The following TAFAZZIN variants were observed in gnomAD, a reference collection of about 807,000 sequenced individuals.
TAFAZZIN encodes tafazzin, phospholipid-lysophospholipid transacylase.
Under a neutral mutation model 27.3 loss-of-function variants are expected in TAFAZZIN, and 6 were observed. The ratio of observed to expected loss-of-function variants is 0.22; its 90% CI spans 0.12 to 0.43. TAFAZZIN has a LOEUF of 0.43. Ranked by LOEUF, TAFAZZIN falls within the 20% of genes least tolerant of loss-of-function variation. The probability of loss-of-function intolerance (pLI) is 1.00; values close to 1 mark genes in which losing one functional copy is unlikely to be tolerated. For synonymous variants in TAFAZZIN, 79 were observed against 96.2 expected (o/e 0.82, Z 1.04); for missense variants, 127 against 244.5 (o/e 0.52, Z 3.21).
rs1310401484 is a variant in TAFAZZIN, at chrX:154,411,762, C to G, written c.-82C>G. 7 of 929,287 alleles carry G rather than the reference C, an allele frequency of 7.5e-6. No individual in the cohort carries two copies. The African/African-American group carries it at 9.8e-5, about 13-fold the overall frequency. The allele number at this position is 929,287 out of a possible 1,213,427, so 76.6% of individuals were successfully genotyped here. A position where few individuals can be genotyped will look rare whatever the true frequency, so the allele number is the denominator to read the frequency against. ...GCGGGCCAGTCAGGGGCCAGTGTCT[C>G]GAGCGGTCGAGGTCGCAGACCTAGA... On this transcript the variant is annotated 5_prime_UTR_variant, in exon 1 of 11. Transcript: ENST00000601016.
At chrX:154,419,408 G>A in intron 5 of TAFAZZIN, 135 bp from the exon 6 acceptor site, 1 of 654,638 alleles carries the variant, frequency 1.5e-6, no homozygotes, top group Non-Finnish European at 2.4e-6. Flanking sequence ...GGACTGAGGG[G>A]GATAGTCCCC....
chrX:154,412,174 G>A lies in TAFAZZIN; in HGVS notation c.198G>A (p.Val66=), dbSNP rs782470471. The change falls in exon 2 of 11, where the codon GTG becomes GTA. Residue 66 remains valine, a synonymous_variant. Transcript: ENST00000601016. ...KRGPATPLIT[V]SNHQSCMDDP... ...GCCCGGCCACGCCCCTCATCACCGT[G>A]TCCAATCACCAGTCCTGCATGGACG... is the stretch of plus-strand genomic sequence containing the variant. 5 of 1,201,741 alleles carry A rather than the reference G, an allele frequency of 4.2e-6. No individual in the cohort carries two copies. The highest frequency in any genetic ancestry group is 3.0e-5 in the East Asian group (1 of 33,526).
At chrX:154,420,381 G>T in intron 9 of TAFAZZIN, 117 bp downstream of exon 9, 1 of 926,536 alleles carries the variant, frequency 1.1e-6, no homozygotes, top group Non-Finnish European at 1.6e-6. Flanking sequence ...TACAGCAGGG[G>T]ACAGAGTGGA....
intron 5 of TAFAZZIN, 195 bp from the exon 6 acceptor site, chrX:154,419,348 C>T: frequency 2.1e-6 from 1 of 467,566 alleles, no homozygotes; most frequent in South Asian, 3.1e-5. Context: ...GTGGATGGCG[C>T]AGTGGGGGAT....
intron 5 of TAFAZZIN, among the ~76,000 whole-genome samples, chrX:154,417,134 C>CAAA (rs1251172273): frequency 1.8e-5 from 1 of 56,794 alleles, no homozygotes; most frequent in Non-Finnish European, 3.4e-5. Context: ...GACTCCGTCT[C>CAAA]AAAAAAAAAA....
chrX:154,411,881 C>G lies in TAFAZZIN; in HGVS notation c.38C>G (p.Pro13Arg), dbSNP rs1557190859. The change falls in exon 1 of 11, where the codon CCG becomes CGG. Residue 13 changes from proline to arginine, a missense_variant. Physicochemically the swap from Pro to Arg is moderately radical, Grantham distance 103. Around this residue, in one of 3 missense-constraint regions of TAFAZZIN, gnomAD observed 17 missense variants for 16.2 expected, o/e 1.05. Transcript: ENST00000601016. Reference sequence around the variant, plus strand: ...GTGAAGTGGCCGTTCCCCGCGGTGCCGCCGCTCACCTGGACCCTGGCCAGC... The same window carrying G: ...GTGAAGTGGCCGTTCCCCGCGGTGCGGCCGCTCACCTGGACCCTGGCCAGC... ...LHVKWPFPAVPPLTWTLASSV... is the reference protein window; with the variant it reads ...LHVKWPFPAVRPLTWTLASSV... The G allele has an allele frequency of 8.3e-7, 1 of 1,205,420 alleles. No homozygotes were observed. The highest frequency in any genetic ancestry group is 2.2e-5 in the Admixed American group (1 of 45,842).
rs1557194884 is a variant in TAFAZZIN at position 154,421,484 on chromosome X, C to T, written c.*480C>T. ...CCTGAGCTTCCCCCCCACCACAGGCCCTTTCCTCAGGCAAGGTCTGGCCTC... is the reference window on the plus strand; with the variant it reads ...CCTGAGCTTCCCCCCCACCACAGGCTCTTTCCTCAGGCAAGGTCTGGCCTC... On this transcript the variant is annotated 3_prime_UTR_variant, in exon 11 of 11. Coordinates refer to ENST00000601016, the MANE Select transcript of TAFAZZIN (RefSeq NM_000116.5). The T allele has an allele frequency of 1.8e-5, 6 of 331,681 alleles. No homozygotes were observed. Among genetic ancestry groups the T allele is most frequent in the South Asian group, 1.6e-4 (6 of 38,566 alleles). The allele number at this position is 331,681 out of a possible 1,213,427, so 27.3% of individuals were successfully genotyped here.
Position 154,420,690 on chromosome X carries a change from T to C in TAFAZZIN, c.732T>C (p.Ser244=). The C allele has an allele frequency of 1.7e-6, 2 of 1,211,458 alleles. No individual in the cohort carries two copies. The highest frequency in any genetic ancestry group is 2.2e-6 in the Non-Finnish European group (2 of 895,410). Reference sequence around the variant, plus strand: ...CTGTGCTGATCGGGAAGCCCTTCAGTGCCCTGCCTGTACTCGAGCGGCTCC... The same window carrying C: ...CTGTGCTGATCGGGAAGCCCTTCAGCGCCCTGCCTGTACTCGAGCGGCTCC... ...KITVLIGKPF[S]ALPVLERLRA... is the part of the protein sequence containing the mutation. Residue 244 remains serine (S), a synonymous_variant, in exon 10 of 11, where the codon AGT becomes AGC. Coordinates refer to ENST00000601016, the MANE Select transcript of TAFAZZIN (RefSeq NM_000116.5).
In TAFAZZIN at chrX:154,417,374, G is replaced by T. The variant is rs868970984; in HGVS notation, c.461-2169G>T. On this transcript the variant is annotated intron_variant, in intron 5 of 10. Transcript: ENST00000601016. Reference sequence around the variant, plus strand: ...TGCTGGAGAAGCGTTTCCATGCAGTGACAGCTGCCAGAGCCAGATTATTAT... The same window carrying T: ...TGCTGGAGAAGCGTTTCCATGCAGTTACAGCTGCCAGAGCCAGATTATTAT... Among the ~76,000 whole-genome samples, 6 of 111,685 alleles carry T rather than the reference G, an allele frequency of 5.4e-5. 1 individual carries two copies. Among genetic ancestry groups the T allele is most frequent in the African/African-American group, 2.0e-4 (6 of 30,764 alleles).
rs2068299468 is a variant in TAFAZZIN, at chrX:154,411,724, C to T, written c.-120C>T. 5 of 696,868 alleles carry T rather than the reference C, an allele frequency of 7.2e-6. No individual in the cohort carries two copies. The highest frequency in any genetic ancestry group is 1.1e-5 in the Non-Finnish European group (5 of 458,953). 57.4% of individuals were successfully genotyped at this position (696,868 alleles called of 1,213,427 possible). On this transcript the variant is annotated 5_prime_UTR_variant, in exon 1 of 11. Transcript: ENST00000601016. ...CCAGTCCCCTGTTGCGCCGCGCCCC[C>T]GTCCGTCCGTGCGCGGGCCAGTCAG...
intron 5 of TAFAZZIN, among the ~76,000 whole-genome samples, chrX:154,416,890 C>T (rs1029271354): frequency 1.8e-5 from 2 of 111,509 alleles, no homozygotes; most frequent in African/African-American, 3.3e-5. Context: ...AATCCCAGCA[C>T]TTTGGGAGGC....
At chrX:154,417,527 C>T (rs1271004009) in intron 5 of TAFAZZIN, among the ~76,000 whole-genome samples, 4 of 112,555 alleles carry the variant, frequency 3.6e-5, no homozygotes, top group African/African-American at 1.3e-4. Context: ...GGAAGGGTAA[C>T]CAAAGGATAT....
At chrX:154,416,701 G>A (rs1279908160) in intron 5 of TAFAZZIN, among the ~76,000 whole-genome samples, 1 of 111,796 alleles carries the variant, frequency 8.9e-6, no homozygotes, top group Non-Finnish European at 1.9e-5. Flanking sequence ...ACGGGGAGAA[G>A]GGTGCAAAGG....
Position 154,413,996 on chromosome X carries a change from TTC to T in TAFAZZIN, c.371-102_371-101del, listed in dbSNP as rs781937216. The T allele has an allele frequency of 5.3e-5, 30 of 568,542 alleles. No homozygotes were observed. The African/African-American group carries it at 6.3e-4, about 12-fold the overall frequency. The allele number at this position is 568,542 out of a possible 1,213,427, so 46.9% of individuals were successfully genotyped here. A position where few individuals can be genotyped will look rare whatever the true frequency, so the allele number is the denominator to read the frequency against. Reference sequence around the variant, plus strand: ...GGGATAGGGGCCATTTTGATCCCTATTCTCCAGACAGGGAGGATCACAGAGAT... The same window carrying T: ...GGGATAGGGGCCATTTTGATCCCTATTCCAGACAGGGAGGATCACAGAGAT... On this transcript the variant is annotated intron_variant, in intron 4 of 10. Coordinates refer to ENST00000601016, the MANE Select transcript of TAFAZZIN (RefSeq NM_000116.5).
chrX:154,418,876 G>A (rs782105681), intron 5 of TAFAZZIN: 2 of 114,897 alleles, frequency 1.7e-5, no homozygotes, highest in Admixed American at 1.8e-4. Flanking sequence ...GGTGCCCTGT[G>A]AGGAGTGGCT....
chrX:154,420,202 T>G lies in TAFAZZIN; in HGVS notation c.647-10T>G, dbSNP rs2068588995. 8.3e-7 allele frequency: 1 copy of G among 1,209,819 alleles called. No homozygotes were observed. Among genetic ancestry groups the G allele is most frequent in the African/African-American group, 1.8e-5 (1 of 57,118 alleles). On this transcript the variant is annotated splice_polypyrimidine_tract_variant and intron_variant, in intron 8 of 10. Transcript: ENST00000601016. ...ACCCCACGTCTGGCCTTCTGTCCACTGTGCTGCAGGAATGAATGACGTCCT... is the reference window on the plus strand; with the variant it reads ...ACCCCACGTCTGGCCTTCTGTCCACGGTGCTGCAGGAATGAATGACGTCCT...
At chrX:154,415,476 A>G (rs186716850) in intron 5 of TAFAZZIN, among the ~76,000 whole-genome samples, 4 of 111,375 alleles carry the variant, frequency 3.6e-5, no homozygotes, top group East Asian at 5.6e-4. Flanking sequence ...AGGTAGGTAG[A>G]TAGATAGATA....
rs1431354587 is a variant in TAFAZZIN, at chrX:154,414,801, C to G, written c.460+611C>G. Among the ~76,000 whole-genome samples the G allele has an allele frequency of 1.7e-4, 18 of 108,567 alleles. No homozygotes were observed. The Admixed American group carries it at 1.8e-3, about 11-fold the overall frequency. The allele number at this position is 108,567 out of a possible 115,157, so 94.3% of individuals were successfully genotyped here. On this transcript the variant is annotated intron_variant, in intron 5 of 10. Transcript: ENST00000601016. Reference sequence around the variant, plus strand: ...GTCAGGAATTCGAGACCAGCCTAACCAACATGGTGAAACCCCGTCTCTACT... The same window carrying G: ...GTCAGGAATTCGAGACCAGCCTAACGAACATGGTGAAACCCCGTCTCTACT...
At chrX:154,413,626 C>T (rs1469956759) in intron 4 of TAFAZZIN, 59 bp downstream of exon 4, 29 of 1,152,679 alleles carry the variant, frequency 2.5e-5, no homozygotes, top group Non-Finnish European at 3.3e-5. Context: ...AGCTGGTGGC[C>T]AGTGTCTCTG....
Sources: gnomAD v4.1 joint callset for allele counts (sites outside exome capture counted in the v4.1 genomes callset) on GRCh38, gnomAD v4.1.1 for gene constraint, gnomAD v4.1.1 regional missense constraint, MANE v1.5 for transcripts, NCBI Gene and HGNC (gene_info 2026-07-23, HGNC 2026-07-21) for gene names.